Variants in UTRN observed in about 807,000 individuals in gnomAD.
UTRN encodes dystrophin-related protein 1.
In UTRN, 283 loss-of-function variants were observed where a neutral mutation model predicts 463.9. That is an observed-to-expected ratio of 0.61 (90% CI 0.55 to 0.67). The LOEUF (loss-of-function observed/expected upper bound fraction) is 0.67. Among genes scored for constraint, UTRN ranks in the 30% least tolerant of loss-of-function variants. The pLI is 0.00. For missense variants in UTRN, 3,922 were observed against 4,084.3 expected, an observed-to-expected ratio of 0.96 and a Z score of 1.08; for synonymous variants, 1,442 against 1,431.5, an observed-to-expected ratio of 1.01 and a Z score of -0.17.
At chr6:144,437,041 C>T (rs1786635143) in intron 10 of UTRN, among the ~76,000 whole-genome samples, 1 of 151,370 alleles carries the variant, frequency 6.6e-6, no homozygotes, top group Non-Finnish European at 1.5e-5. Context: ...CAACTTCTAC[C>T]TCCTGGCTTC....
At chr6:144,595,547 AATC>A (rs1195619416) in intron 51 of UTRN, among the ~76,000 whole-genome samples, 7 of 152,156 alleles carry the variant, frequency 4.6e-5, no homozygotes, top group Non-Finnish European at 8.8e-5. Context: ...CTGCCAGTAA[AATC>A]ATACTATTTC....
chr6:144,747,615 G>A (rs1250984607), intron 54 of UTRN, among the ~76,000 whole-genome samples: 2 of 152,120 alleles, frequency 1.3e-5, no homozygotes, highest in East Asian at 3.8e-4. Context: ...CATTGTGGAA[G>A]CCCCCTTGCT....
chr6:144,723,387 G>A (rs538310263), intron 53 of UTRN, among the ~76,000 whole-genome samples: 1 of 152,244 alleles, frequency 6.6e-6, no homozygotes, highest in South Asian at 2.1e-4. Context: ...TAAATACATA[G>A]TATTTAATTC....
chr6:144,705,296 C>T (rs1784981131), intron 53 of UTRN, among the ~76,000 whole-genome samples: 1 of 152,052 alleles, frequency 6.6e-6, no homozygotes, highest in African/African-American at 2.4e-5. Context: ...ACCTGGGTGA[C>T]CCTGAAAAAG....
At position 144,499,340 on chromosome 6, in the gene UTRN, G is replaced by A; in HGVS notation, c.4677G>A (p.Trp1559Ter). 1 of 1,613,852 alleles carries A rather than the reference G, an allele frequency of 6.2e-7. No individual in the cohort carries two copies. Among genetic ancestry groups the A allele is most frequent in the Admixed American group, 1.7e-5 (1 of 60,002 alleles). The change falls in exon 34 of 75, where the codon TGG (tryptophan) becomes TGA (stop). Residue 1559 changes from tryptophan (W) to a stop codon, truncating the protein, a stop_gained. Coordinates refer to ENST00000367545, the MANE Select transcript of UTRN (RefSeq NM_007124.3). LOFTEE classifies it high-confidence loss of function. ...AAGAGGCTGCTTCTCTCTCTGAATG[G>A]CTTTCTGCTACTGAAACTGAATTGG... ...MKKEAASLSE[W>*]LSATETELVQ...
rs576548171 is a variant in UTRN, at chr6:144,341,514, T to A, written c.79+49607T>A. 1.2e-3 allele frequency among the ~76,000 whole-genome samples: 184 copies of A among 152,348 alleles called. 4 individuals carry two copies. The highest frequency in any genetic ancestry group is 3.2e-4 in the Non-Finnish European group (22 of 68,028). ...TACTATTCTCCCAGTACTGCACTTT[T>A]GAGAGGGAAGGAGAAATTGTTGCTA... On this transcript the variant is annotated intron_variant, in intron 2 of 74. Coordinates refer to ENST00000367545, the MANE Select transcript of UTRN (RefSeq NM_007124.3).
intron 2 of UTRN, among the ~76,000 whole-genome samples, chr6:144,351,069 A>G (rs115545834): frequency 0.011 from 1,702 of 152,254 alleles, 30 homozygotes; most frequent in African/African-American, 0.038. Flanking sequence ...TTTTTTATAT[A>G]TTTTATGGAA....
Position 144,437,639 on chromosome 6 carries a change from A to C in UTRN, c.1134A>C (p.Thr378=). The part of the protein sequence containing the change: ...SVLQAGNQLI[T]QGTLSDEEEF... ...TGCAGGCAGGCAACCAACTGATAAC[A>C]CAAGGAACTCTGTCAGACGAAGAAG... The change falls in exon 11 of 75, where the codon ACA becomes ACC. Residue 378 remains threonine (T), a synonymous_variant. Coordinates refer to ENST00000367545, the MANE Select transcript of UTRN (RefSeq NM_007124.3). 1.2e-6 allele frequency: 2 copies of C among 1,614,124 alleles called. No homozygotes were observed. The highest frequency in any genetic ancestry group is 1.7e-6 in the Non-Finnish European group (2 of 1,180,010).
chr6:144,339,010 C>T (rs1001030902), intron 2 of UTRN, among the ~76,000 whole-genome samples: 1 of 152,120 alleles, frequency 6.6e-6, no homozygotes, highest in Non-Finnish European at 1.5e-5. Context: ...GGGGAAATTG[C>T]CCTGGATCTT....
At chr6:144,497,513 C>CAAAAA (rs527551923) in intron 33 of UTRN, among the ~76,000 whole-genome samples, 1 of 110,708 alleles carries the variant, frequency 9.0e-6, no homozygotes, top group Non-Finnish European at 2.0e-5. Context: ...CGTCTCTACT[C>CAAAAA]AAAAAAAAAA....
intron 2 of UTRN, among the ~76,000 whole-genome samples, chr6:144,312,756 A>T (rs1339789440): frequency 6.6e-6 from 1 of 152,190 alleles, no homozygotes; most frequent in Non-Finnish European, 1.5e-5. Flanking sequence ...ATTCTTGAAA[A>T]AATAACTGCA....
At chr6:144,754,485 G>A (rs951686631) in intron 56 of UTRN, among the ~76,000 whole-genome samples, 1 of 148,986 alleles carries the variant, frequency 6.7e-6, no homozygotes, top group Non-Finnish European at 1.5e-5. Context: ...AAATTGCTTA[G>A]AAGAGTACCT....
At chr6:144,797,656 A>C (rs9376858) in intron 63 of UTRN, 168 bp from the exon 64 acceptor site, 74,852 of 622,574 alleles carry the variant, frequency 0.12, 7,210 homozygotes, top group East Asian at 0.49. Flanking sequence ...TAAGTTCTAG[A>C]ATTTTCTTGA....
intron 6 of UTRN, 107 bp downstream of exon 6, chr6:144,424,185 C>A: frequency 8.2e-7 from 1 of 1,214,446 alleles, no homozygotes; most frequent in Non-Finnish European, 1.2e-6. Flanking sequence ...TTGGCTTGAA[C>A]AACAGAAATT....
chr6:144,520,705 A>G (rs563502623), intron 39 of UTRN, among the ~76,000 whole-genome samples: 1 of 152,350 alleles, frequency 6.6e-6, no homozygotes, highest in South Asian at 2.1e-4. Context: ...GGATTCCTTT[A>G]GAGATTGGAT....
At chr6:144,649,571 TG>T (rs537673396) in intron 51 of UTRN, among the ~76,000 whole-genome samples, 156 of 152,244 alleles carry the variant, frequency 1.0e-3, no homozygotes, top group African/African-American at 3.5e-3. Flanking sequence ...ATTTGGGGGT[TG>T]GAATATGGAG....
chr6:144,577,975 C>A (rs890488100), intron 51 of UTRN, among the ~76,000 whole-genome samples: 1 of 152,020 alleles, frequency 6.6e-6, no homozygotes, highest in East Asian at 1.9e-4. Flanking sequence ...GGCCAAGGTG[C>A]GTAGGTCACC....
chr6:144,291,452 T>C (rs1230588843), intron 1 of UTRN, among the ~76,000 whole-genome samples: 2 of 152,264 alleles, frequency 1.3e-5, no homozygotes, highest in African/African-American at 2.4e-5. Context: ...GTCAGACTCC[T>C]CTGCTGTGTG....
chr6:144,670,576 T>G (rs1191587800), intron 51 of UTRN, among the ~76,000 whole-genome samples: 4 of 152,120 alleles, frequency 2.6e-5, no homozygotes, highest in Admixed American at 2.6e-4. Flanking sequence ...ACTCTGTGAC[T>G]CTATGGGCTG....
Sources: allele counts gnomAD v4.1 joint callset (sites outside exome capture counted in the v4.1 genomes callset), GRCh38; gene constraint gnomAD v4.1.1; transcripts MANE v1.5; gene names NCBI Gene and HGNC (gene_info 2026-07-23, HGNC 2026-07-21).